The following DLEC1 variants were observed in gnomAD, a reference collection of about 807,000 sequenced individuals.
The protein encoded by DLEC1 is deleted in lung and esophageal cancer protein 1.
In DLEC1, 146 loss-of-function variants were observed where a neutral mutation model predicts 198.1. The ratio of observed to expected loss-of-function variants is 0.74; its 90% CI spans 0.64 to 0.85. The LOEUF is 0.85. DLEC1 is among the 40% of genes least tolerant of loss of function. The pLI is 0.00. For missense variants in DLEC1, 2,233 were observed against 2,220.0 expected, an observed-to-expected ratio of 1.01 and a Z score of -0.12; for synonymous variants, 897 against 866.8, an observed-to-expected ratio of 1.03 and a Z score of -0.61.
chr3:38,065,094 C>T (rs527957000), intron 6 of DLEC1, among the ~76,000 whole-genome samples: 2 of 152,334 alleles, frequency 1.3e-5, no homozygotes, highest in Non-Finnish European at 1.5e-5. Context: ...CCCGGCACCT[C>T]GGGAGGCTGA....
At chr3:38,088,721 C>T (rs540440292) in intron 10 of DLEC1, among the ~76,000 whole-genome samples, 3 of 152,278 alleles carry the variant, frequency 2.0e-5, no homozygotes, top group African/African-American at 7.2e-5. Context: ...GTCTTCCCTC[C>T]CCCAGGCCCC....
At position 38,094,860 on chromosome 3, in the gene DLEC1, G is replaced by C; in HGVS notation, c.1920-19G>C. 6.2e-7 allele frequency: 1 copy of C among 1,611,666 alleles called. No individual in the cohort carries two copies. Among genetic ancestry groups the C allele is most frequent in the Non-Finnish European group, 8.5e-7 (1 of 1,178,910 alleles). ...CCCAGCAGAACTGGGACATGGCCTTGGATGCGTTGCCCCCACAGGCACGTG... is the reference window on the plus strand; with the variant it reads ...CCCAGCAGAACTGGGACATGGCCTTCGATGCGTTGCCCCCACAGGCACGTG... On this transcript the variant is annotated intron_variant, in intron 12 of 36. Coordinates refer to ENST00000308059, the MANE Select transcript of DLEC1 (RefSeq NM_007335.4).
rs771971249 is a variant in DLEC1 at position 38,122,094 on chromosome 3, G to A, written c.5044G>A (p.Ala1682Thr). The change falls in exon 36 of 37, where the codon GCT becomes ACT. Residue 1682 changes from alanine to threonine, a missense_variant. Coordinates refer to ENST00000308059, the MANE Select transcript of DLEC1 (RefSeq NM_007335.4). ...LMGQQEPAKA[A>T]VAFRVSPNSG... ...AGGCCAGCAGGAGCCAGCCAAGGCCGCTGTGGCCTTCAGGGTCTCCCCAAA... is the reference window on the plus strand; with the variant it reads ...AGGCCAGCAGGAGCCAGCCAAGGCCACTGTGGCCTTCAGGGTCTCCCCAAA... 34 of 1,613,926 alleles carry A rather than the reference G, an allele frequency of 2.1e-5. No individual in the cohort carries two copies. Among genetic ancestry groups the A allele is most frequent in the Admixed American group, 5.0e-5 (3 of 59,986 alleles).
chr3:38,099,695 G>A (rs559672444), intron 18 of DLEC1, among the ~76,000 whole-genome samples: 53 of 150,968 alleles, frequency 3.5e-4, no homozygotes, highest in African/African-American at 1.1e-3. Flanking sequence ...CCCCAGATGG[G>A]GACACTTTTC....
chr3:38,082,916 G>T (rs1031436782), intron 6 of DLEC1, among the ~76,000 whole-genome samples: 8 of 152,206 alleles, frequency 5.3e-5, no homozygotes, highest in Non-Finnish European at 1.2e-4. Flanking sequence ...CGGGAAGGCT[G>T]CCTTCCCAGT....
chr3:38,062,881 T>C lies in DLEC1; in HGVS notation c.1094+80T>C. 3 of 1,456,258 alleles carry C rather than the reference T, an allele frequency of 2.1e-6. No individual in the cohort carries two copies. In the South Asian group the frequency reaches 3.7e-5, roughly 18 times the overall value. The allele number at this position is 1,456,258 out of a possible 1,614,324, so 90.2% of individuals were successfully genotyped here. ...TAGATGGTCCTCCGTTTGGTCTGGC[T>C]GTAGAGGTCCCTAGACTTGTGGGGC... On this transcript the variant is annotated intron_variant, in intron 5 of 36. Coordinates refer to ENST00000308059, the MANE Select transcript of DLEC1 (RefSeq NM_007335.4).
Position 38,096,678 on chromosome 3 carries a change from T to C in DLEC1, c.2281T>C (p.Tyr761His). 6.2e-7 allele frequency: 1 copy of C among 1,613,548 alleles called. No homozygotes were observed. The highest frequency in any genetic ancestry group is 1.3e-5 in the African/African-American group (1 of 75,040). ...VEPFQVLLEP[Y>H]ALIIPGENYI... ...ACCTTTCCAGGTTCTCTTAGAGCCA[T>C]ATGCCCTCATCATCCCAGGGGAGAA... is the stretch of plus-strand genomic sequence containing the variant. Residue 761 changes from tyrosine to histidine, a missense_variant, in exon 15 of 37, where the codon TAT becomes CAT. By Grantham distance (83) the Tyr-to-His change is moderately conservative (BLOSUM62 2). Coordinates refer to ENST00000308059, the MANE Select transcript of DLEC1 (RefSeq NM_007335.4).
intron 19 of DLEC1, among the ~76,000 whole-genome samples, chr3:38,101,930 T>G (rs1483691865): frequency 6.6e-6 from 1 of 152,200 alleles, no homozygotes; most frequent in African/African-American, 2.4e-5. Flanking sequence ...TGAAAGGACC[T>G]TGTATTATCA....
intron 1 of DLEC1, among the ~76,000 whole-genome samples, chr3:38,041,798 A>G (rs1231803991): frequency 2.7e-5 from 4 of 150,330 alleles, no homozygotes; most frequent in Non-Finnish European, 4.4e-5. Context: ...CAATGAGCCA[A>G]GACTGCACCA....
At chr3:38,060,434 G>A (rs958680289) in intron 3 of DLEC1, among the ~76,000 whole-genome samples, 1 of 152,166 alleles carries the variant, frequency 6.6e-6, no homozygotes, top group African/African-American at 2.4e-5. Flanking sequence ...ACAGGGAGAA[G>A]TCCCTGTGTG....
Position 38,121,540 on chromosome 3 carries a change from G to C in DLEC1, c.4867-88G>C, listed in dbSNP as rs550543014. On this transcript the variant is annotated intron_variant, in intron 34 of 36. Transcript: ENST00000308059. ...CTTCCCGTTTTCTTCAGGAGCATCA[G>C]CACTTGGGGTCAGCAGGGTTCTGTG... is the stretch of plus-strand genomic sequence containing the variant. The C allele has an allele frequency of 4.7e-6, 7 of 1,500,762 alleles. No individual in the cohort carries two copies. In the African/African-American group the frequency reaches 9.7e-5, roughly 21 times the overall value. 93.0% of individuals were successfully genotyped at this position (1,500,762 alleles called of 1,614,324 possible).
chr3:38,104,302 C>T (rs1699455545), intron 19 of DLEC1, among the ~76,000 whole-genome samples: 1 of 151,980 alleles, frequency 6.6e-6, no homozygotes, highest in South Asian at 2.1e-4. Flanking sequence ...ACTAAAAATA[C>T]AAAAATTAGC....
chr3:38,066,199 A>T (rs1466037753), intron 6 of DLEC1, among the ~76,000 whole-genome samples: 1 of 152,338 alleles, frequency 6.6e-6, no homozygotes, highest in East Asian at 1.9e-4. Context: ...GTTCTTATCA[A>T]ACTTTCACTT....
At chr3:38,111,406 T>G (rs912430627) in intron 23 of DLEC1, among the ~76,000 whole-genome samples, 1 of 152,190 alleles carries the variant, frequency 6.6e-6, no homozygotes, top group African/African-American at 2.4e-5. Flanking sequence ...GGAGTCCTGC[T>G]TCAGAGCCCG....
At chr3:38,078,770 CA>C (rs1300150955) in intron 6 of DLEC1, among the ~76,000 whole-genome samples, 1 of 152,090 alleles carries the variant, frequency 6.6e-6, no homozygotes, top group African/African-American at 2.4e-5. Flanking sequence ...AGATCCAGAA[CA>C]GAATAATGGG....
chr3:38,086,212 C>A, intron 8 of DLEC1, 29 bp from the exon 9 acceptor site: 1 of 1,590,884 alleles, frequency 6.3e-7, no homozygotes, highest in African/African-American at 1.3e-5. Context: ...CCTGTTGTTT[C>A]TCTTGCACAT....
chr3:38,060,364 T>TGGG lies in DLEC1; in HGVS notation c.673+513_673+515dup, dbSNP rs534331253. On this transcript the variant is annotated intron_variant, in intron 3 of 36. Coordinates refer to ENST00000308059, the MANE Select transcript of DLEC1 (RefSeq NM_007335.4). The stretch of plus-strand genomic sequence containing the variant: ...CAAGATATTCTGAGAATGAGTGGGG[T>TGGG]GGGAGGCTGTGATGTGGGCTTAAGC... Among the ~76,000 whole-genome samples, 682 of 151,942 alleles carry TGGG rather than the reference T, an allele frequency of 4.5e-3. 7 individuals are homozygous for TGGG. Among genetic ancestry groups the TGGG allele is most frequent in the Non-Finnish European group, 5.3e-3 (362 of 67,978 alleles).
chr3:38,060,273 G>T (rs1457662000), intron 3 of DLEC1, among the ~76,000 whole-genome samples: 1 of 152,186 alleles, frequency 6.6e-6, no homozygotes, highest in African/African-American at 2.4e-5. Flanking sequence ...GGGAAGCCTG[G>T]GTAGAGAGGC....
In DLEC1 at chr3:38,122,837, G is replaced by C. The variant is rs899939235; in HGVS notation, c.*425G>C. On this transcript the variant is annotated 3_prime_UTR_variant, in exon 37 of 37. Transcript: ENST00000308059. Reference sequence around the variant, plus strand: ...GCTGCTTTTATCTTGCACAGCTAAAGAGGGTCTGATGGGTGGCTCAACACC... The same window carrying C: ...GCTGCTTTTATCTTGCACAGCTAAACAGGGTCTGATGGGTGGCTCAACACC... 5 of 822,980 alleles carry C rather than the reference G, an allele frequency of 6.1e-6. No individual in the cohort carries two copies. In the East Asian group the frequency reaches 1.1e-4, roughly 18 times the overall value. The allele number at this position is 822,980 out of a possible 1,614,324, so 51.0% of individuals were successfully genotyped here.
Sources: allele counts gnomAD v4.1 joint callset (sites outside exome capture counted in the v4.1 genomes callset), GRCh38; gene constraint gnomAD v4.1.1; transcripts MANE v1.5; gene names NCBI Gene and HGNC (gene_info 2026-07-23, HGNC 2026-07-21).